GSTCD: variants seen among roughly 807,000 people sequenced by gnomAD.
The protein encoded by GSTCD is glutathione S-transferase C-terminal domain-containing protein.
In GSTCD, 44 loss-of-function variants were observed where a neutral mutation model predicts 68.3. That is an observed-to-expected ratio of 0.64 (90% CI 0.51 to 0.83). The LOEUF is 0.83. Among genes scored for constraint, GSTCD ranks in the 40% least tolerant of loss-of-function variants. The pLI is 0.00. For synonymous variants in GSTCD, 273 were observed against 255.2 expected (o/e 1.07, Z -0.67); for missense variants, 739 against 735.9 (o/e 1.00, Z -0.05).
intron 5 of GSTCD, among the ~76,000 whole-genome samples, chr4:105,748,795 T>G (rs889930762): frequency 1.1e-5 from 1 of 93,336 alleles, no homozygotes; most frequent in Admixed American, 1.1e-4. Flanking sequence ...AATTTATTTC[T>G]TTTTCTGGGA....
At chr4:105,825,555 T>C in intron 7 of GSTCD, 117 bp from the exon 8 acceptor site, 3 of 580,440 alleles carry the variant, frequency 5.2e-6, no homozygotes, top group South Asian at 2.8e-5. Context: ...TGCCACAGAA[T>C]AGAGGCTCAA....
intron 5 of GSTCD, among the ~76,000 whole-genome samples, chr4:105,778,096 T>A (rs2149247687): frequency 6.6e-6 from 1 of 152,208 alleles, no homozygotes; most frequent in Admixed American, 6.5e-5. Context: ...AGTTATGATT[T>A]GACAGAAATG....
At chr4:105,818,014 TTA>T (rs925139094) in intron 5 of GSTCD, among the ~76,000 whole-genome samples, 3 of 151,938 alleles carry the variant, frequency 2.0e-5, no homozygotes, top group African/African-American at 4.8e-5. Context: ...TGAGAACCTT[TTA>T]TGTGCTTATC....
chr4:105,807,468 A>G (rs764128105), intron 5 of GSTCD, among the ~76,000 whole-genome samples: 1 of 152,114 alleles, frequency 6.6e-6, no homozygotes, highest in Non-Finnish European at 1.5e-5. Flanking sequence ...TTTAGTTGTC[A>G]TATATCTTAA....
intron 4 of GSTCD, among the ~76,000 whole-genome samples, chr4:105,727,965 T>G (rs1733098060): frequency 6.6e-6 from 1 of 152,180 alleles, no homozygotes; most frequent in African/African-American, 2.4e-5. Context: ...CTAACAGAGT[T>G]TACTGATTTA....
At chr4:105,842,963 G>A (rs1724416540) in intron 11 of GSTCD, among the ~76,000 whole-genome samples, 1 of 152,044 alleles carries the variant, frequency 6.6e-6, no homozygotes, top group African/African-American at 2.4e-5. Flanking sequence ...AAGATAAGTG[G>A]GTTCAGTCAA....
intron 5 of GSTCD, among the ~76,000 whole-genome samples, chr4:105,788,820 C>A (rs547595523): frequency 9.9e-5 from 15 of 151,866 alleles, no homozygotes; most frequent in African/African-American, 3.6e-4. Flanking sequence ...AAATAAATTT[C>A]TTATATTATC....
At chr4:105,771,462 G>C (rs1367290149) in intron 5 of GSTCD, among the ~76,000 whole-genome samples, 3 of 152,020 alleles carry the variant, frequency 2.0e-5, no homozygotes, top group African/African-American at 7.3e-5. Context: ...TGTCCTGAAT[G>C]GTATTGCCTA....
At chr4:105,823,900 C>T (rs9992325) in intron 7 of GSTCD, among the ~76,000 whole-genome samples, 2,076 of 152,204 alleles carry the variant, frequency 0.014, 32 homozygotes, top group African/African-American at 0.036. Flanking sequence ...TCGGAGACTA[C>T]CAAATATATT....
chr4:105,776,483 A>G (rs1735067690), intron 5 of GSTCD, among the ~76,000 whole-genome samples: 4 of 152,172 alleles, frequency 2.6e-5, no homozygotes, highest in Admixed American at 2.6e-4. Flanking sequence ...ACCCAAGGGA[A>G]TATCCTGGAC....
chr4:105,825,812 A>G lies in GSTCD; in HGVS notation c.1530+12A>G, dbSNP rs775684795. 6.9e-7 allele frequency: 1 copy of G among 1,459,654 alleles called. No individual in the cohort carries two copies. The highest frequency in any genetic ancestry group is 1.7e-5 in the Admixed American group (1 of 57,580). 90.4% of individuals were successfully genotyped at this position (1,459,654 alleles called of 1,614,324 possible). A position where few individuals can be genotyped will look rare whatever the true frequency, so the allele number is the denominator to read the frequency against. ...TGTTTAATATTGGAGTAAGTAATCA[A>G]GTAATTTCAATTTCTTTAATTAGCT... On this transcript the variant is annotated intron_variant, in intron 8 of 11. Coordinates refer to ENST00000515279, the MANE Select transcript of GSTCD (RefSeq NM_001370181.1).
At chr4:105,836,360 C>CT (rs538505179) in intron 9 of GSTCD, among the ~76,000 whole-genome samples, 18 of 152,310 alleles carry the variant, frequency 1.2e-4, no homozygotes, top group Middle Eastern at 3.4e-3. Flanking sequence ...AAAAAGCACT[C>CT]TAAGTTCTCA....
intron 5 of GSTCD, chr4:105,761,633 CCAT>C (rs1195391639): frequency 6.6e-6 from 1 of 152,024 alleles, no homozygotes; most frequent in East Asian, 1.9e-4. Flanking sequence ...TCCTCCTTGA[CCAT>C]CATTTTTTTC....
chr4:105,741,740 C>T (rs1288601727), intron 5 of GSTCD, among the ~76,000 whole-genome samples: 2 of 152,138 alleles, frequency 1.3e-5, no homozygotes, highest in Non-Finnish European at 2.9e-5. Flanking sequence ...CATTACATCC[C>T]TATAATTGGA....
chr4:105,776,525 G>A (rs1160853776), intron 5 of GSTCD, among the ~76,000 whole-genome samples: 1 of 152,204 alleles, frequency 6.6e-6, no homozygotes, highest in East Asian at 1.9e-4. Flanking sequence ...GAAAAGCATA[G>A]TATCTGTGCT....
At chr4:105,797,546 T>G (rs1735943976) in intron 5 of GSTCD, among the ~76,000 whole-genome samples, 1 of 152,126 alleles carries the variant, frequency 6.6e-6, no homozygotes, top group Non-Finnish European at 1.5e-5. Context: ...ATTGGAACCT[T>G]CAGCAAGTCA....
At chr4:105,736,900 G>C (rs768794296) in intron 5 of GSTCD, among the ~76,000 whole-genome samples, 4 of 152,086 alleles carry the variant, frequency 2.6e-5, no homozygotes, top group Non-Finnish European at 5.9e-5. Context: ...ATGTTGCTGT[G>C]AATGACAAGA....
chr4:105,823,238 T>C lies in GSTCD; in HGVS notation c.1364T>C (p.Val455Ala). ...IVDFCSGGGH[V>A]GIVLAHMLPS... is the part of the protein sequence containing the mutation. ...TCTTACTGACTTTTTCAGGGCCATG[T>C]TGGAATTGTCCTTGCTCACATGCTG... Residue 455 changes from valine (V) to alanine (A), a missense_variant, in exon 7 of 12, where the codon GTT (valine) becomes GCT (alanine). Coordinates refer to ENST00000515279, the MANE Select transcript of GSTCD (RefSeq NM_001370181.1). 1 of 1,613,886 alleles carries C rather than the reference T, an allele frequency of 6.2e-7. No homozygotes were observed. Among genetic ancestry groups the C allele is most frequent in the Non-Finnish European group, 8.5e-7 (1 of 1,179,792 alleles).
At chr4:105,790,896 C>T in intron 5 of GSTCD, among the ~76,000 whole-genome samples, 1 of 152,000 alleles carries the variant, frequency 6.6e-6, no homozygotes, top group South Asian at 2.1e-4. Flanking sequence ...CCAACATCCA[C>T]TCATCCTTAT....
Sources: allele counts gnomAD v4.1 joint callset (sites outside exome capture counted in the v4.1 genomes callset), GRCh38; gene constraint gnomAD v4.1.1; transcripts MANE v1.5; gene names NCBI Gene and HGNC (gene_info 2026-07-23, HGNC 2026-07-21).